Variants in RGS7 observed in about 807,000 individuals in gnomAD.
RGS7 encodes regulator of G protein signaling 7.
RGS7 carries 27 observed loss-of-function variants against 81.1 expected under a neutral mutation model. That is an observed-to-expected ratio of 0.33 (90% CI 0.25 to 0.46). RGS7 has a LOEUF of 0.46. RGS7 is among the 20% of genes least tolerant of loss of function. The probability of loss-of-function intolerance (pLI) is 1.00; values close to 1 mark genes in which losing one functional copy is unlikely to be tolerated. For missense variants in RGS7, 396 were observed against 607.4 expected, an observed-to-expected ratio of 0.65 and a Z score of 3.66; for synonymous variants, 208 against 207.7, an observed-to-expected ratio of 1.00 and a Z score of -0.01.
At chr1:241,218,009 G>A (rs565405935) in intron 2 of RGS7, among the ~76,000 whole-genome samples, 1 of 152,142 alleles carries the variant, frequency 6.6e-6, no homozygotes, top group South Asian at 2.1e-4. Flanking sequence ...AATATCTGGT[G>A]AAACTATACA....
chr1:240,929,431 G>T (rs191380588), intron 6 of RGS7, among the ~76,000 whole-genome samples: 5 of 152,220 alleles, frequency 3.3e-5, no homozygotes, highest in East Asian at 3.9e-4. Flanking sequence ...CTACTGGAAA[G>T]AAATAATTTT....
intron 18 of RGS7, among the ~76,000 whole-genome samples, chr1:240,791,530 T>C (rs1686007292): frequency 2.0e-5 from 3 of 152,186 alleles, no homozygotes; most frequent in Non-Finnish European, 4.4e-5. Context: ...GCAAAAATTA[T>C]GGAAAAGAAA....
intron 3 of RGS7, among the ~76,000 whole-genome samples, chr1:241,013,064 T>C (rs948797533): frequency 7.6e-5 from 11 of 145,214 alleles, no homozygotes; most frequent in Admixed American, 5.5e-4. Context: ...TTTTTTTTTT[T>C]TTTTTTTTTT....
intron 2 of RGS7, among the ~76,000 whole-genome samples, chr1:241,134,768 T>G (rs2067369191): frequency 6.6e-6 from 1 of 152,140 alleles, no homozygotes; most frequent in African/African-American, 2.4e-5. Flanking sequence ...GGAGTTTTAC[T>G]AGTTCCTCAC....
intron 9 of RGS7, among the ~76,000 whole-genome samples, chr1:240,842,290 C>T (rs777150791): frequency 2.7e-5 from 4 of 145,902 alleles, no homozygotes; most frequent in Non-Finnish European, 6.0e-5. Flanking sequence ...CCCCCGCCTC[C>T]CGGTTTCAAG....
chr1:240,881,356 G>C (rs528395446), intron 6 of RGS7, among the ~76,000 whole-genome samples: 329 of 151,646 alleles, frequency 2.2e-3, no homozygotes, highest in African/African-American at 7.4e-3. Context: ...GTCGTGGGGT[G>C]GGGGGCTAGG....
At chr1:241,037,112 A>T (rs574003868) in intron 3 of RGS7, among the ~76,000 whole-genome samples, 1 of 152,350 alleles carries the variant, frequency 6.6e-6, no homozygotes, top group African/African-American at 2.4e-5. Flanking sequence ...ATTAACTAAC[A>T]TGGACATTAT....
intron 4 of RGS7, among the ~76,000 whole-genome samples, chr1:240,942,276 GC>G (rs1485971910): frequency 6.6e-6 from 1 of 152,194 alleles, no homozygotes; most frequent in Non-Finnish European, 1.5e-5. Context: ...CTCCAGGGGT[GC>G]AATCGGTTAG....
chr1:240,927,505 C>T (rs1028337150), intron 6 of RGS7, among the ~76,000 whole-genome samples: 3 of 152,208 alleles, frequency 2.0e-5, no homozygotes, highest in Admixed American at 6.5e-5. Flanking sequence ...CTTTAAAAGC[C>T]GGGAGTGAGG....
intron 4 of RGS7, among the ~76,000 whole-genome samples, chr1:240,939,090 A>G (rs1354148477): frequency 6.6e-6 from 1 of 152,168 alleles, no homozygotes; most frequent in African/African-American, 2.4e-5. Context: ...ACATAAGCAC[A>G]CTTGTAATGA....
intron 2 of RGS7, among the ~76,000 whole-genome samples, chr1:241,259,650 C>CAAAAA (rs71571832): frequency 5.0e-5 from 2 of 39,906 alleles, no homozygotes; most frequent in African/African-American, 2.4e-4. Flanking sequence ...AACTCCGTCT[C>CAAAAA]AAAAAAAAAA....
At chr1:241,346,008 C>T (rs552443814) in intron 2 of RGS7, among the ~76,000 whole-genome samples, 2 of 151,106 alleles carry the variant, frequency 1.3e-5, no homozygotes, top group East Asian at 1.9e-4. Context: ...AGCGAGAGTC[C>T]GTCTCAAAAA....
At chr1:241,083,293 A>G (rs866054918) in intron 3 of RGS7, among the ~76,000 whole-genome samples, 32 of 143,828 alleles carry the variant, frequency 2.2e-4, no homozygotes, top group African/African-American at 4.2e-4. Flanking sequence ...CAAGACAAAA[A>G]AAAAGAAAAG....
intron 3 of RGS7, among the ~76,000 whole-genome samples, chr1:241,055,761 G>GA (rs1216046326): frequency 3.3e-5 from 5 of 152,146 alleles, no homozygotes; most frequent in African/African-American, 1.2e-4. Context: ...GAGTGGAGAT[G>GA]AAAGTTCTAA....
intron 11 of RGS7, among the ~76,000 whole-genome samples, chr1:240,815,544 C>T (rs1690664208): frequency 6.6e-6 from 1 of 152,070 alleles, no homozygotes; most frequent in Non-Finnish European, 1.5e-5. Context: ...ATGACAAATG[C>T]TCACATGGAA....
chr1:240,816,243 T>G, intron 11 of RGS7, 74 bp downstream of exon 11: 10 of 935,474 alleles, frequency 1.1e-5, no homozygotes, highest in Non-Finnish European at 1.6e-5. Flanking sequence ...ATACCCACTA[T>G]TAACATTTAC....
intron 4 of RGS7, among the ~76,000 whole-genome samples, chr1:240,956,916 C>A (rs941551579): frequency 6.6e-6 from 1 of 151,870 alleles, no homozygotes; most frequent in African/African-American, 2.4e-5. Context: ...AAGTAGTACT[C>A]CTCAAAACGG....
intron 9 of RGS7, among the ~76,000 whole-genome samples, chr1:240,842,712 C>G (rs1162282269): frequency 6.6e-6 from 1 of 152,092 alleles, no homozygotes; most frequent in Non-Finnish European, 1.5e-5. Flanking sequence ...TATATCAAGC[C>G]AGACCAATAC....
chr1:241,213,857 C>A (rs2074392614), intron 2 of RGS7, among the ~76,000 whole-genome samples: 1 of 152,148 alleles, frequency 6.6e-6, no homozygotes, highest in South Asian at 2.1e-4. Context: ...TTTGACTTCC[C>A]AAGCTTAAGC....
Sources: allele counts gnomAD v4.1 joint callset (sites outside exome capture counted in the v4.1 genomes callset), GRCh38; gene constraint gnomAD v4.1.1; transcripts MANE v1.5; gene names NCBI Gene and HGNC (gene_info 2026-07-23, HGNC 2026-07-21).